The following VIPR2 variants were observed in gnomAD, a reference collection of about 807,000 sequenced individuals.
The protein encoded by VIPR2 is vasoactive intestinal peptide receptor 2.
VIPR2 carries 48 observed loss-of-function variants against 58.0 expected under a neutral mutation model. The ratio of observed to expected loss-of-function variants is 0.83; its 90% confidence interval spans 0.66 to 1.05. The LOEUF is 1.05. VIPR2 is among the 50% of genes least tolerant of loss of function. VIPR2 has a pLI of 0.00. For synonymous variants in VIPR2, 243 were observed against 235.2 expected, an observed-to-expected ratio of 1.03 and a Z score of -0.30; for missense variants, 534 against 558.0, an observed-to-expected ratio of 0.96 and a Z score of 0.43.
chr7:159,053,308 T>G (rs1466745837), intron 5 of VIPR2, among the ~76,000 whole-genome samples: 1 of 152,074 alleles, frequency 6.6e-6, no homozygotes, highest in Non-Finnish European at 1.5e-5. Flanking sequence ...GAAATGGAAT[T>G]TAACAAAATA....
chr7:159,034,774 C>T (rs1310190540), intron 8 of VIPR2, 124 bp from the exon 9 acceptor site: 4 of 747,084 alleles, frequency 5.4e-6, no homozygotes, highest in Non-Finnish European at 7.2e-6. Context: ...AATTTCTCTG[C>T]ACTGACAGAT....
At chr7:159,103,470 C>T (rs535744100) in intron 4 of VIPR2, among the ~76,000 whole-genome samples, 7 of 152,230 alleles carry the variant, frequency 4.6e-5, no homozygotes, top group African/African-American at 1.2e-4. Context: ...TTCGGGCAGG[C>T]GGGGCCACTC....
chr7:159,116,725 T>G (rs1233415686), intron 2 of VIPR2, among the ~76,000 whole-genome samples: 1 of 152,134 alleles, frequency 6.6e-6, no homozygotes, highest in Non-Finnish European at 1.5e-5. Context: ...ACCGGTATGC[T>G]GGGAATTCCT....
intron 2 of VIPR2, among the ~76,000 whole-genome samples, chr7:159,121,116 G>A (rs1007927180): frequency 6.6e-6 from 1 of 152,170 alleles, no homozygotes; most frequent in Admixed American, 6.5e-5. Context: ...CAGGGCGTGA[G>A]GAGCTGGAGG....
At chr7:159,081,447 C>T (rs1441643661) in intron 4 of VIPR2, among the ~76,000 whole-genome samples, 2 of 152,180 alleles carry the variant, frequency 1.3e-5, no homozygotes, top group African/African-American at 4.8e-5. Flanking sequence ...CCCTTCCTTA[C>T]ATCTTATACA....
intron 5 of VIPR2, among the ~76,000 whole-genome samples, chr7:159,046,699 C>A (rs1225733749): frequency 1.3e-5 from 2 of 151,994 alleles, no homozygotes; most frequent in Non-Finnish European, 2.9e-5. Context: ...GGGTATTTTA[C>A]CACAAATTTT....
chr7:159,053,989 T>G (rs112437492), intron 5 of VIPR2, among the ~76,000 whole-genome samples: 6,200 of 152,278 alleles, frequency 0.041, 411 homozygotes, highest in African/African-American at 0.14. Context: ...TAAAGACTTA[T>G]TAAAGGCAGG....
In VIPR2 at chr7:159,116,880, C is replaced by T. The variant is rs117043909; in HGVS notation, c.152-6961G>A. 14 of 162,814 alleles carry T rather than the reference C, an allele frequency of 8.6e-5. No individual in the cohort carries two copies. In the East Asian group the frequency reaches 2.3e-3, roughly 27 times the overall value. The allele number at this position is 162,814 out of a possible 1,614,324, so 10.1% of individuals were successfully genotyped here. A position where few individuals can be genotyped will look rare whatever the true frequency, so the allele number is the denominator to read the frequency against. On this transcript the variant is annotated intron_variant, in intron 2 of 12. Transcript: ENST00000262178. ...ACGCTGCCTTCTGTCCAGAGACTCC[C>T]TAGGAAGTCCTGGCTCTTACAGATG...
At chr7:159,114,192 G>C (rs900745906) in intron 2 of VIPR2, among the ~76,000 whole-genome samples, 1 of 152,182 alleles carries the variant, frequency 6.6e-6, no homozygotes, top group Non-Finnish European at 1.5e-5. Context: ...ATTTGGCACA[G>C]TGAACCCTTT....
intron 2 of VIPR2, among the ~76,000 whole-genome samples, chr7:159,133,034 A>ATGATTGGCATACAGATTGATTTCAGACAG (rs1563355780): frequency 8.1e-6 from 1 of 123,344 alleles, no homozygotes. Context: ...AATGATTCCA[A>ATGATTGGCATACAGATTGATTTCAGACAG]AAATGCAGCC....
rs1563354997 is a variant in VIPR2, at chr7:159,132,789, C to CAGATTGATTTG, written c.151+9656_151+9657insCAAATCAATCT. 6.2e-4 allele frequency among the ~76,000 whole-genome samples: 88 copies of CAGATTGATTTG among 141,186 alleles called. 4 individuals carry two copies. Among genetic ancestry groups the CAGATTGATTTG allele is most frequent in the East Asian group, 1.4e-3 (7 of 5,046 alleles). 92.6% of individuals were successfully genotyped at this position (141,186 alleles called of 152,430 possible). A position where few individuals can be genotyped will look rare whatever the true frequency, so the allele number is the denominator to read the frequency against. ...GATTTCAGACAGAATGATTGGCATA[C>CAGATTGATTTG]AGACTGATTTCAGACAGAATGATTG... is the stretch of plus-strand genomic sequence containing the variant. On this transcript the variant is annotated intron_variant, in intron 2 of 12. Coordinates refer to ENST00000262178, the MANE Select transcript of VIPR2 (RefSeq NM_003382.5).
At chr7:159,123,579 A>G (rs369544799) in intron 2 of VIPR2, among the ~76,000 whole-genome samples, 2 of 152,040 alleles carry the variant, frequency 1.3e-5, no homozygotes, top group East Asian at 1.9e-4. Context: ...GGTTGATTCT[A>G]TGTCTTTGCT....
chr7:159,049,141 A>G (rs1227687245), intron 5 of VIPR2, among the ~76,000 whole-genome samples: 1 of 152,220 alleles, frequency 6.6e-6, no homozygotes, highest in Non-Finnish European at 1.5e-5. Flanking sequence ...AAATGTCAAC[A>G]TGAACCTTTC....
At chr7:159,134,050 T>C (rs1797097768) in intron 2 of VIPR2, among the ~76,000 whole-genome samples, 1 of 152,222 alleles carries the variant, frequency 6.6e-6, no homozygotes, top group Admixed American at 6.5e-5. Flanking sequence ...GAAATTATAC[T>C]AAGTTAAATT....
chr7:159,051,531 A>G (rs1244345146), intron 5 of VIPR2, among the ~76,000 whole-genome samples: 1 of 152,234 alleles, frequency 6.6e-6, no homozygotes, highest in Non-Finnish European at 1.5e-5. Context: ...AATGAAAGGT[A>G]GATTAGAACT....
chr7:159,113,457 C>T (rs1488886039), intron 2 of VIPR2, among the ~76,000 whole-genome samples: 1 of 152,028 alleles, frequency 6.6e-6, no homozygotes, highest in Non-Finnish European at 1.5e-5. Context: ...CGCTAGTCTG[C>T]CAATGCTTCC....
chr7:159,090,111 C>T (rs1237670900), intron 4 of VIPR2, among the ~76,000 whole-genome samples: 1 of 139,102 alleles, frequency 7.2e-6, no homozygotes, highest in Non-Finnish European at 1.5e-5. Flanking sequence ...GTGACCATCA[C>T]AATCCCCGGT....
At chr7:159,092,282 C>G (rs527353954) in intron 4 of VIPR2, among the ~76,000 whole-genome samples, 19 of 152,266 alleles carry the variant, frequency 1.2e-4, no homozygotes, top group African/African-American at 3.6e-4. Context: ...CTCATGAAGC[C>G]GAGAGCACCA....
At chr7:159,117,888 T>TGA in intron 2 of VIPR2, among the ~76,000 whole-genome samples, 1 of 152,370 alleles carries the variant, frequency 6.6e-6, no homozygotes, top group East Asian at 1.9e-4. Context: ...CAAAGCCTCC[T>TGA]GAGACTGGCC....
Sources: allele counts gnomAD v4.1 joint callset (sites outside exome capture counted in the v4.1 genomes callset), GRCh38; gene constraint gnomAD v4.1.1; transcripts MANE v1.5; gene names NCBI Gene and HGNC (gene_info 2026-07-23, HGNC 2026-07-21).